Variants in ERCC3 observed in about 807,000 individuals in gnomAD.
ERCC3 encodes the protein ERCC excision repair 3, TFIIH core complex helicase subunit.
ERCC3 carries 66 observed loss-of-function variants against 94.2 expected under a neutral mutation model. The observed-to-expected ratio is 0.70, with a 90% CI of 0.57 to 0.86. ERCC3 has a LOEUF of 0.86. ERCC3 is among the 40% of genes least tolerant of loss of function. The pLI is 0.00. For missense variants in ERCC3, 829 were observed against 987.1 expected, an observed-to-expected ratio of 0.84 and a Z score of 2.15; for synonymous variants, 349 against 369.1, an observed-to-expected ratio of 0.95 and a Z score of 0.63.
Position 127,257,876 on chromosome 2 carries a change from G to T in ERCC3, c.2218-149C>A. 3.3e-6 allele frequency: 3 copies of T among 914,860 alleles called. No homozygotes were observed. Among genetic ancestry groups the T allele is most frequent in the East Asian group, 2.7e-5 (1 of 37,726 alleles). 56.7% of individuals were successfully genotyped at this position (914,860 alleles called of 1,614,324 possible). A position where few individuals can be genotyped will look rare whatever the true frequency, so the allele number is the denominator to read the frequency against. ...GTTTACAGATCGCTTACTGTCTCAG[G>T]CATTGTTCTAAGCATTTTACATGCA... On this transcript the variant is annotated intron_variant, in intron 14 of 14. Coordinates refer to ENST00000285398, the MANE Select transcript of ERCC3 (RefSeq NM_000122.2). This position sits in a 1 kb window ranked among gnomAD's most constrained non-coding sequence, Gnocchi z 5.4.
intron 13 of ERCC3, chr2:127,260,825 T>G: frequency 4.7e-6 from 1 of 212,728 alleles, no homozygotes; most frequent in South Asian, 8.3e-5. Flanking sequence ...AGCCAAAGCT[T>G]TAGAATTTCC....
rs1280233085 is a variant in ERCC3 at position 127,257,562 on chromosome 2, G to A, written c.*34C>T. 3.1e-6 allele frequency: 5 copies of A among 1,612,518 alleles called. No individual in the cohort carries two copies. The highest frequency in any genetic ancestry group is 2.2e-5 in the East Asian group (1 of 44,880). On this transcript the variant is annotated 3_prime_UTR_variant, in exon 15 of 15. Transcript: ENST00000285398. The surrounding 1 kb of genome is among the most constrained non-coding windows in gnomAD (Gnocchi z 5.4). ...AATCCCTTTCCAACAAGGGTGCCAAGCGCCGGTCTTGAACGAAGTACCCTG... is the reference window on the plus strand; with the variant it reads ...AATCCCTTTCCAACAAGGGTGCCAAACGCCGGTCTTGAACGAAGTACCCTG...
chr2:127,271,507 T>G lies in ERCC3; in HGVS notation c.1828-54A>C, dbSNP rs1212359257. 45 of 1,154,686 alleles carry G rather than the reference T, an allele frequency of 3.9e-5. No homozygotes were observed. The highest frequency in any genetic ancestry group is 5.4e-5 in the Non-Finnish European group (41 of 763,042). 71.5% of individuals were successfully genotyped at this position (1,154,686 alleles called of 1,614,324 possible). On this transcript the variant is annotated intron_variant, in intron 11 of 14. Coordinates refer to ENST00000285398, the MANE Select transcript of ERCC3 (RefSeq NM_000122.2). This position sits in a 1 kb window ranked among gnomAD's most constrained non-coding sequence, Gnocchi z 5.0. ...ATATGAGGAAAAAAAAAAAGTCAAC[T>G]GATCCAGAATTTAAATAAGTTCTGT... is the stretch of plus-strand genomic sequence containing the variant.
intron 10 of ERCC3, 67 bp from the exon 11 acceptor site, chr2:127,273,028 G>A: frequency 9.9e-7 from 1 of 1,014,328 alleles, no homozygotes; most frequent in South Asian, 1.3e-5. Flanking sequence ...ACACATCAGA[G>A]GGAAAAAGGA....
In ERCC3 at chr2:127,277,689, C is replaced by CA. The variant is rs34067323; in HGVS notation, c.1730+1483dup. Among the ~76,000 whole-genome samples, 618 of 144,736 alleles carry CA rather than the reference C, an allele frequency of 4.3e-3. 3 individuals carry two copies. The highest frequency in any genetic ancestry group is 0.02 in the South Asian group (89 of 4,554). 95.0% of individuals were successfully genotyped at this position (144,736 alleles called of 152,430 possible). A position where few individuals can be genotyped will look rare whatever the true frequency, so the allele number is the denominator to read the frequency against. Reference sequence around the variant, plus strand: ...CTGGCAACAGAGCAAGACTCCGTCTCAAAAAAAAAAGGAAAATGTAATAGT... The same window carrying CA: ...CTGGCAACAGAGCAAGACTCCGTCTCAAAAAAAAAAAGGAAAATGTAATAGT... On this transcript the variant is annotated intron_variant, in intron 10 of 14. Coordinates refer to ENST00000285398, the MANE Select transcript of ERCC3 (RefSeq NM_000122.2). The surrounding 1 kb of genome is among the most constrained non-coding windows in gnomAD (Gnocchi z 5.1).
At chr2:127,272,720 C>G (rs1286118447) in intron 11 of ERCC3, 145 bp downstream of exon 11, 1 of 662,832 alleles carries the variant, frequency 1.5e-6, no homozygotes, top group African/African-American at 1.8e-5. Flanking sequence ...CAGGCAGTGC[C>G]CCCTATCCCT....
intron 12 of ERCC3, among the ~76,000 whole-genome samples, chr2:127,265,886 G>A (rs189843862): frequency 6.6e-6 from 1 of 152,148 alleles, no homozygotes; most frequent in Admixed American, 6.5e-5. Flanking sequence ...ATCTCAAATT[G>A]TTAATTTGAA....
At chr2:127,292,878 G>A in intron 2 of ERCC3, 32 bp from the exon 3 acceptor site, 1 of 1,400,916 alleles carries the variant, frequency 7.1e-7, no homozygotes, top group East Asian at 2.3e-5. Context: ...AAACAGACAA[G>A]GAAACATGAG....
At chr2:127,266,841 C>T (rs182734031) in intron 12 of ERCC3, among the ~76,000 whole-genome samples, 1,791 of 151,766 alleles carry the variant, frequency 0.012, 32 homozygotes, top group African/African-American at 0.041. Context: ...CTCAGGCTCC[C>T]GAGTAGCTGG....
At chr2:127,269,417 CTTTT>C (rs70985445) in intron 12 of ERCC3, among the ~76,000 whole-genome samples, 2 of 113,554 alleles carry the variant, frequency 1.8e-5, no homozygotes, top group Non-Finnish European at 1.8e-5. Flanking sequence ...ATTCTATTCA[CTTTT>C]TTTTTTTTTT....
chr2:127,271,123 G>A lies in ERCC3; in HGVS notation c.1945+213C>T, dbSNP rs1236596742. 2.6e-5 allele frequency among the ~76,000 whole-genome samples: 4 copies of A among 152,254 alleles called. No homozygotes were observed. Among genetic ancestry groups the A allele is most frequent in the East Asian group, 1.9e-4 (1 of 5,188 alleles). ...TACAGAGCACATCTGTGTGGATTCCGTGACACTGTCATGGAAAACACCTGC... is the reference window on the plus strand; with the variant it reads ...TACAGAGCACATCTGTGTGGATTCCATGACACTGTCATGGAAAACACCTGC... On this transcript the variant is annotated intron_variant, in intron 12 of 14. Transcript: ENST00000285398. This position sits in a 1 kb window ranked among gnomAD's most constrained non-coding sequence, Gnocchi z 5.0.
chr2:127,289,602 G>A (rs1211915964), intron 5 of ERCC3, 87 bp downstream of exon 5: 3 of 1,602,608 alleles, frequency 1.9e-6, no homozygotes, highest in Non-Finnish European at 2.6e-6. Flanking sequence ...GGGCTGCTAG[G>A]TTGTAAGTGC....
intron 3 of ERCC3, 105 bp downstream of exon 3, chr2:127,292,505 G>T (rs1685305629): frequency 1.2e-6 from 1 of 825,738 alleles, no homozygotes; most frequent in African/African-American, 1.7e-5. Context: ...CAGGAAATCT[G>T]AATGGCACAT....
intron 8 of ERCC3, among the ~76,000 whole-genome samples, chr2:127,285,311 G>C (rs1207970592): frequency 6.6e-6 from 1 of 152,156 alleles, no homozygotes; most frequent in Non-Finnish European, 1.5e-5. Flanking sequence ...TATAATCCCA[G>C]TACTTTGGGA....
At position 127,280,412 on chromosome 2, in the gene ERCC3, C is replaced by A. The variant is rs754539668; in HGVS notation, c.1527+35G>T. 2.8e-5 allele frequency: 44 copies of A among 1,587,616 alleles called. No individual in the cohort carries two copies. The highest frequency in any genetic ancestry group is 2.0e-4 in the Middle Eastern group (1 of 5,000). On this transcript the variant is annotated intron_variant, in intron 9 of 14. Coordinates refer to ENST00000285398, the MANE Select transcript of ERCC3 (RefSeq NM_000122.2). This position sits in a 1 kb window ranked among gnomAD's most constrained non-coding sequence, Gnocchi z 6.3. ...CACTCCCCTGCCCATAGGAGGAGGC[C>A]CTTTCCCAGACGCCCCCAGCCCAGG...
chr2:127,285,837 C>T (rs1023049930), intron 8 of ERCC3, among the ~76,000 whole-genome samples: 10 of 150,940 alleles, frequency 6.6e-5, no homozygotes, highest in African/African-American at 2.4e-4. Context: ...GGCAACAAAG[C>T]AAGATGCCAT....
Position 127,259,311 on chromosome 2 carries a change from G to A in ERCC3, c.2202C>T (p.Gly734=), listed in dbSNP as rs1314650169. 3 of 1,614,084 alleles carry A rather than the reference G, an allele frequency of 1.9e-6. No homozygotes were observed. Among genetic ancestry groups the A allele is most frequent in the Non-Finnish European group, 2.5e-6 (3 of 1,180,046 alleles). ...AEEEVVAGEF[G]SRSSQASRRF... The stretch of plus-strand genomic sequence containing the variant: ...ATTTACTCACCTGGCTGGATCTGGA[G>A]CCAAATTCCCCAGCCACCACCTCCT... The change falls in exon 14 of 15, where the codon GGC becomes GGT. Residue 734 remains glycine (G), a synonymous_variant. Transcript: ENST00000285398. The surrounding 1 kb of genome is among the most constrained non-coding windows in gnomAD (Gnocchi z 4.9).
intron 12 of ERCC3, among the ~76,000 whole-genome samples, chr2:127,263,953 G>C (rs57402521): frequency 6.6e-6 from 1 of 151,932 alleles, no homozygotes; most frequent in African/African-American, 2.4e-5. Context: ...GTTGTGATCC[G>C]CCCACCTCGG....
Position 127,286,025 on chromosome 2 carries a change from T to C in ERCC3, c.1342+678A>G, listed in dbSNP as rs868724207. On this transcript the variant is annotated intron_variant, in intron 8 of 14. Coordinates refer to ENST00000285398, the MANE Select transcript of ERCC3 (RefSeq NM_000122.2). ...CCATGATACTTGGAGAAGTAGGGCTTCTATTACATATTGACTAAGGATCAA... is the reference window on the plus strand; with the variant it reads ...CCATGATACTTGGAGAAGTAGGGCTCCTATTACATATTGACTAAGGATCAA... Among the ~76,000 whole-genome samples the C allele has an allele frequency of 2.0e-4, 31 of 152,130 alleles. No individual in the cohort carries two copies. The Middle Eastern group carries it at 0.017, about 84-fold the overall frequency.
Sources: allele counts gnomAD v4.1 joint callset (sites outside exome capture counted in the v4.1 genomes callset), GRCh38; gene constraint gnomAD v4.1.1; non-coding constraint Gnocchi (gnomAD v3.1); transcripts MANE v1.5; gene names NCBI Gene and HGNC (gene_info 2026-07-23, HGNC 2026-07-21).